The following AGBL1 variants were observed in gnomAD, a reference collection of about 807,000 sequenced individuals.
The protein encoded by AGBL1 is AGBL carboxypeptidase 1, also known as cytosolic carboxypeptidase 4.
AGBL1 carries 130 observed loss-of-function variants against 118.9 expected under a neutral mutation model. That is an observed-to-expected ratio of 1.09 (90% CI 0.95 to 1.26). AGBL1 has a LOEUF of 1.26. Among genes scored for constraint, AGBL1 ranks in the 50% most tolerant of loss-of-function variants. The pLI is 0.00. For missense variants in AGBL1, 1,584 were observed against 1,298.1 expected, an observed-to-expected ratio of 1.22 and a Z score of -3.38; for synonymous variants, 555 against 478.9, an observed-to-expected ratio of 1.16 and a Z score of -2.08.
At chr15:86,798,054 C>T (rs2078597983) in intron 22 of AGBL1, among the ~76,000 whole-genome samples, 1 of 152,164 alleles carries the variant, frequency 6.6e-6, no homozygotes, top group South Asian at 2.1e-4. Context: ...AATGGCCGAC[C>T]ACTTGGTACA....
intron 17 of AGBL1, chr15:86,296,248 A>AT (rs2079639177): frequency 6.6e-6 from 1 of 151,960 alleles, no homozygotes; most frequent in Non-Finnish European, 1.5e-5. Context: ...CAAAAAAAAA[A>AT]CACCCAAAGA....
chr15:86,557,369 G>T (rs531235006), intron 21 of AGBL1, among the ~76,000 whole-genome samples: 3 of 152,212 alleles, frequency 2.0e-5, no homozygotes, highest in African/African-American at 4.8e-5. Flanking sequence ...ATACACAAAG[G>T]CATGTGGCTG....
chr15:86,301,887 G>A (rs1015221289), intron 17 of AGBL1, among the ~76,000 whole-genome samples: 11 of 152,092 alleles, frequency 7.2e-5, no homozygotes, highest in Middle Eastern at 3.2e-3. Context: ...AGAAAGCTCA[G>A]TTGGCAATCC....
Position 86,415,403 on chromosome 15 carries a change from C to T in AGBL1, c.2555+17857C>T, listed in dbSNP as rs930719862. 3.3e-5 allele frequency among the ~76,000 whole-genome samples: 5 copies of T among 152,176 alleles called. No individual in the cohort carries two copies. The Middle Eastern group carries it at 0.01, about 311-fold the overall frequency. On this transcript the variant is annotated intron_variant, in intron 18 of 22. Transcript: ENST00000614907. ...TGCTTCAGTTTCCTCATCTGTAAAA[C>T]GGGGATAATAGCAAGTAATGACCTT...
chr15:86,830,327 A>C (rs1466376368), intron 22 of AGBL1, among the ~76,000 whole-genome samples: 1 of 152,130 alleles, frequency 6.6e-6, no homozygotes, highest in Non-Finnish European at 1.5e-5. Flanking sequence ...TCTAACTTCT[A>C]TCACCATGTA....
intron 17 of AGBL1, among the ~76,000 whole-genome samples, chr15:86,359,855 TAC>T: frequency 6.6e-6 from 1 of 151,746 alleles, no homozygotes; most frequent in Non-Finnish European, 1.5e-5. Context: ...TCTTTTCAGA[TAC>T]TTTGTTTTTT....
At chr15:86,990,382 C>T (rs1414593859) in intron 24 of AGBL1, among the ~76,000 whole-genome samples, 2 of 152,064 alleles carry the variant, frequency 1.3e-5, no homozygotes, top group African/African-American at 2.4e-5. Flanking sequence ...ACGCGTGTGG[C>T]AGGTGCTTGT....
chr15:86,862,745 A>G (rs1284575795), intron 22 of AGBL1, among the ~76,000 whole-genome samples: 1 of 152,186 alleles, frequency 6.6e-6, no homozygotes, highest in Non-Finnish European at 1.5e-5. Flanking sequence ...ACAAATACGA[A>G]TACAAAAACA....
At chr15:86,681,760 C>T (rs2085961866) in intron 22 of AGBL1, among the ~76,000 whole-genome samples, 1 of 152,098 alleles carries the variant, frequency 6.6e-6, no homozygotes, top group Non-Finnish European at 1.5e-5. Context: ...TTAGGTGGTG[C>T]TTTCTCTTCA....
At chr15:86,830,155 C>T (rs927697230) in intron 22 of AGBL1, among the ~76,000 whole-genome samples, 1 of 151,976 alleles carries the variant, frequency 6.6e-6, no homozygotes, top group African/African-American at 2.4e-5. Context: ...CGCATATACT[C>T]TACTCTCAGA....
chr15:86,262,078 C>CTGTTTTTTTTTTTTTTTTTTT (rs2094009283), intron 9 of AGBL1, among the ~76,000 whole-genome samples: 1 of 52,768 alleles, frequency 1.9e-5, no homozygotes, highest in Non-Finnish European at 3.6e-5. Context: ...GCATAGCTGG[C>CTGTTTTTTTTTTTTTTTTTTT]TTTTTTTTTT....
intron 1 of AGBL1, among the ~76,000 whole-genome samples, chr15:86,131,861 GA>G (rs1452327231): frequency 1.3e-5 from 2 of 151,640 alleles, no homozygotes; most frequent in Non-Finnish European, 2.9e-5. Context: ...GAGGTAGGAG[GA>G]TCCTGGGAAG....
intron 5 of AGBL1, among the ~76,000 whole-genome samples, chr15:86,169,767 A>C (rs115454102): frequency 0.01 from 1,525 of 152,332 alleles, 34 homozygotes; most frequent in African/African-American, 0.035. Context: ...GGTTGAATCC[A>C]TGTGTGTGGA....
intron 22 of AGBL1, among the ~76,000 whole-genome samples, chr15:86,775,415 C>T (rs991381298): frequency 1.5e-4 from 23 of 152,238 alleles, no homozygotes; most frequent in Middle Eastern, 3.4e-3. Context: ...AGGATTAGTT[C>T]GCTCCATGAA....
chr15:86,857,357 C>T (rs756827608), intron 22 of AGBL1, among the ~76,000 whole-genome samples: 24 of 152,142 alleles, frequency 1.6e-4, no homozygotes, highest in Non-Finnish European at 2.9e-4. Context: ...TCATGGCCTG[C>T]GTCTCTTTTC....
At chr15:86,271,501 T>G in intron 14 of AGBL1, 118 bp from the exon 15 acceptor site, 1 of 787,892 alleles carries the variant, frequency 1.3e-6, no homozygotes, top group Non-Finnish European at 2.2e-6. Context: ...TCTTTGGCGA[T>G]ATATAGTTAA....
Position 86,909,759 on chromosome 15 carries a change from T to C in AGBL1, c.*2465T>C, listed in dbSNP as rs1370735835. 1 of 152,226 alleles carries C rather than the reference T, an allele frequency of 6.6e-6. No homozygotes were observed. Among genetic ancestry groups the C allele is most frequent in the Non-Finnish European group, 1.5e-5 (1 of 68,040 alleles). 9.4% of individuals were successfully genotyped at this position (152,226 alleles called of 1,614,324 possible). A position where few individuals can be genotyped will look rare whatever the true frequency, so the allele number is the denominator to read the frequency against. ...TCAAGAAGATAATATTGAAATGTAA[T>C]TGCTGAGAGAGGTGGGAATGATGCT... is the stretch of plus-strand genomic sequence containing the variant. On this transcript the variant is annotated 3_prime_UTR_variant, in exon 23 of 23. Coordinates refer to ENST00000614907, the MANE Select transcript of AGBL1 (RefSeq NM_001386094.1).
At chr15:86,160,417 T>G (rs1304962020) in intron 5 of AGBL1, among the ~76,000 whole-genome samples, 1 of 152,188 alleles carries the variant, frequency 6.6e-6, no homozygotes, top group Non-Finnish European at 1.5e-5. Flanking sequence ...CATCCAGGGA[T>G]TTCACTCTTC....
At chr15:86,306,411 A>G (rs1319751939) in intron 17 of AGBL1, among the ~76,000 whole-genome samples, 2 of 152,128 alleles carry the variant, frequency 1.3e-5, no homozygotes, top group Non-Finnish European at 2.9e-5. Context: ...AGAACATGCA[A>G]TATTTGTCTT....
Sources: gnomAD v4.1 joint callset for allele counts (sites outside exome capture counted in the v4.1 genomes callset) on GRCh38, gnomAD v4.1.1 for gene constraint, MANE v1.5 for transcripts, NCBI Gene and HGNC (gene_info 2026-07-23, HGNC 2026-07-21) for gene names.